Variants in SULT1A1 observed in about 807,000 individuals in gnomAD.
SULT1A1 encodes the protein sulfotransferase family 1A member 1, also known as sulfotransferase 1A1.
In SULT1A1, 35 loss-of-function variants were observed where a neutral mutation model predicts 36.8. The observed-to-expected ratio is 0.95, with a 90% CI of 0.73 to 1.26. SULT1A1 has a LOEUF of 1.26. SULT1A1 is among the 50% of genes most tolerant of loss of function. The pLI is 0.00. For synonymous variants in SULT1A1, 119 were observed against 146.0 expected, an observed-to-expected ratio of 0.82 and a Z score of 1.33; for missense variants, 309 against 383.0, an observed-to-expected ratio of 0.81 and a Z score of 1.61.
At chr16:28,622,471 G>A (rs976976296) in intron 1 of SULT1A1, among the ~76,000 whole-genome samples, 2 of 152,124 alleles carry the variant, frequency 1.3e-5, no homozygotes, top group Non-Finnish European at 2.9e-5. Context: ...GTCCTCTATG[G>A]CAAGGATCCA....
rs2047160026 is a variant in SULT1A1, at chr16:28,605,963, G to A, written c.776-30C>T. ...GGGAGGAAGGCAGGGAGCAAAGCTGGAGTCTCATCCCAGGGGAGGCCCCAA... is the reference window on the plus strand; with the variant it reads ...GGGAGGAAGGCAGGGAGCAAAGCTGAAGTCTCATCCCAGGGGAGGCCCCAA... On this transcript the variant is annotated intron_variant, in intron 7 of 7. Transcript: ENST00000314752. The A allele has an allele frequency of 5.6e-6, 9 of 1,603,620 alleles. 1 individual carries two copies. The highest frequency in any genetic ancestry group is 7.7e-6 in the Non-Finnish European group (9 of 1,173,220).
intron 4 of SULT1A1, chr16:28,607,667 AAAAAAAAAAG>A (rs369668117): frequency 0.34 from 51,316 of 149,004 alleles, 9,274 homozygotes; most frequent in Admixed American, 0.41. Context: ...AAAAAAAAAA[AAAAAAAAAAG>A]GACCGTGGTC....
At chr16:28,611,320 C>T (rs1890251837), upstream of SULT1A1, 1 of 152,082 alleles carries the variant, frequency 6.6e-6, no homozygotes, top group Admixed American at 6.6e-5. Context: ...CCAATAAGTC[C>T]CTGAAAAATA....
intron 2 of SULT1A1, among the ~76,000 whole-genome samples, chr16:28,618,013 T>C (rs1377760017): frequency 2.6e-5 from 4 of 151,448 alleles, no homozygotes; most frequent in Non-Finnish European, 5.9e-5. Context: ...TGCCTGAAGC[T>C]TCTTTCTTTC....
upstream of SULT1A1, among the ~76,000 whole-genome samples, chr16:28,614,442 C>T (rs1271550965): frequency 7.7e-6 from 1 of 129,464 alleles, no homozygotes; most frequent in Middle Eastern, 3.5e-3. Context: ...GCACAGAGAC[C>T]CTTCCGGTCT....
At chr16:28,610,179 A>C (rs1336712299), upstream of SULT1A1, 1 of 1,284,864 alleles carries the variant, frequency 7.8e-7, no homozygotes, top group African/African-American at 1.5e-5. Context: ...CTCCAAAGCC[A>C]CGACTGAGTT....
intron 2 of SULT1A1, 45 bp from the exon 3 acceptor site, chr16:28,608,648 C>A: frequency 1.2e-6 from 2 of 1,611,220 alleles, no homozygotes; most frequent in African/African-American, 1.3e-5. Context: ...GAGGGCACGA[C>A]CTCGCTGGCC....
intron 2 of SULT1A1, among the ~76,000 whole-genome samples, chr16:28,615,553 G>A (rs1324688800): frequency 1.3e-5 from 2 of 150,686 alleles, no homozygotes; most frequent in African/African-American, 4.9e-5. Flanking sequence ...AGACCCCGAG[G>A]CCTTGTTAGT....
At chr16:28,621,462 A>C (rs1276987857) in intron 1 of SULT1A1, among the ~76,000 whole-genome samples, 1 of 143,918 alleles carries the variant, frequency 6.9e-6, no homozygotes, top group East Asian at 2.0e-4. Flanking sequence ...CAGGCTGGGC[A>C]ATAAAACAAG....
chr16:28,622,435 G>A (rs1018564105), intron 1 of SULT1A1, among the ~76,000 whole-genome samples: 5 of 152,080 alleles, frequency 3.3e-5, no homozygotes, highest in South Asian at 2.1e-4. Flanking sequence ...TAAGGAGAGG[G>A]TTCCCTGAAC....
At chr16:28,617,844 A>G (rs1364660760) in intron 2 of SULT1A1, among the ~76,000 whole-genome samples, 1 of 152,000 alleles carries the variant, frequency 6.6e-6, no homozygotes, top group Non-Finnish European at 1.5e-5. Flanking sequence ...ATTTCTTATC[A>G]CAAGAAATCT....
chr16:28,610,586 A>G (rs189366562), upstream of SULT1A1: 14 of 217,676 alleles, frequency 6.4e-5, no homozygotes, highest in Admixed American at 1.6e-4. Context: ...GGGGTGGAGC[A>G]GAGCATGGAT....
intron 4 of SULT1A1, 146 bp downstream of exon 4, chr16:28,608,145 A>G (rs2047291028): frequency 3.3e-6 from 4 of 1,204,252 alleles, no homozygotes; most frequent in Non-Finnish European, 4.6e-6. Flanking sequence ...CCGCCACCAC[A>G]CCCGGCTAAT....
rs1289635938 is a variant in SULT1A1, at chr16:28,606,945, A to G, written c.499+6T>C. ...TCCACACTTTCCTTCCTCCCATCAA[A>G]CCCACCTTCTCCGACCATGAACTTC... On this transcript the variant is annotated splice_donor_region_variant and intron_variant, in intron 5 of 7. Transcript: ENST00000314752. The G allele has an allele frequency of 1.2e-6, 2 of 1,612,360 alleles. No homozygotes were observed. Among genetic ancestry groups the G allele is most frequent in the Non-Finnish European group, 1.7e-6 (2 of 1,178,630 alleles).
intron 1 of SULT1A1, chr16:28,609,587 T>C (rs1178851541): frequency 7.1e-6 from 3 of 424,170 alleles, no homozygotes; most frequent in Middle Eastern, 4.3e-4. Flanking sequence ...TCTCTAAAAA[T>C]CTTTAAAAAA....
chr16:28,607,711 T>C (rs1192893408), intron 4 of SULT1A1: 4 of 149,218 alleles, frequency 2.7e-5, no homozygotes, highest in Admixed American at 6.7e-5. Flanking sequence ...GTCGCCCAAG[T>C]TGGAGTGCAC....
At chr16:28,606,355 C>T (rs763798483) in intron 6 of SULT1A1, 119 bp from the exon 7 acceptor site, 2 of 1,542,870 alleles carry the variant, frequency 1.3e-6, no homozygotes, top group Admixed American at 1.9e-5. Flanking sequence ...CCCTGCAGAG[C>T]CAACTCCTCA....
chr16:28,621,061 G>C (rs1474495643), intron 1 of SULT1A1, among the ~76,000 whole-genome samples: 1 of 151,796 alleles, frequency 6.6e-6, no homozygotes, highest in Non-Finnish European at 1.5e-5. Flanking sequence ...AGTGAGCTGA[G>C]ATCGGGCCAA....
chr16:28,619,808 T>C (rs2047615215), intron 2 of SULT1A1, among the ~76,000 whole-genome samples: 2 of 151,340 alleles, frequency 1.3e-5, no homozygotes, highest in African/African-American at 4.9e-5. Flanking sequence ...ATTATACAAA[T>C]GTATCAAATC....
Sources: allele counts gnomAD v4.1 joint callset (sites outside exome capture counted in the v4.1 genomes callset), GRCh38; gene constraint gnomAD v4.1.1; transcripts MANE v1.5; gene names NCBI Gene and HGNC (gene_info 2026-07-23, HGNC 2026-07-21).